ZMYND8: variants seen among roughly 807,000 people sequenced by gnomAD.
ZMYND8 encodes the protein zinc finger MYND-type containing 8, also known as MYND-type zinc finger-containing chromatin reader ZMYND8.
Under a neutral mutation model 140.8 loss-of-function variants are expected in ZMYND8, and 37 were observed. The ratio of observed to expected loss-of-function variants is 0.26; its 90% CI spans 0.20 to 0.35. ZMYND8 has a LOEUF of 0.35. Ranked by LOEUF, ZMYND8 falls within the 10% of genes least tolerant of loss-of-function variation. ZMYND8 has a pLI of 1.00. For missense variants in ZMYND8, 1,068 were observed against 1,570.0 expected, an observed-to-expected ratio of 0.68 and a Z score of 5.40; for synonymous variants, 592 against 597.1, an observed-to-expected ratio of 0.99 and a Z score of 0.12.
rs1271933038 is a variant in ZMYND8, at chr20:47,238,748, G to A, written c.2665+10C>T. The A allele has an allele frequency of 3.1e-6, 5 of 1,605,880 alleles. No individual in the cohort carries two copies. In the African/African-American group the frequency reaches 4.0e-5, roughly 13 times the overall value. ...GGGCGCCACGGAGAACAGAAGGGGA[G>A]GCTCGGTACCTTTCACAGCCTGTCT... On this transcript the variant is annotated intron_variant, in intron 15 of 22. Coordinates refer to ENST00000471951, the MANE Select transcript of ZMYND8 (RefSeq NM_001281775.3).
intron 12 of ZMYND8, among the ~76,000 whole-genome samples, chr20:47,255,779 ATTTGTATGT>A (rs1569009167): frequency 7.9e-6 from 1 of 126,246 alleles, no homozygotes; most frequent in South Asian, 2.5e-4. Flanking sequence ...ATATATATAT[ATTTGTATGT>A]GTATATATAT....
At chr20:47,246,899 C>CA (rs1368303064) in intron 13 of ZMYND8, among the ~76,000 whole-genome samples, 1 of 152,158 alleles carries the variant, frequency 6.6e-6, no homozygotes, top group Non-Finnish European at 1.5e-5. Flanking sequence ...GATTAGAAAA[C>CA]AGAGGCCCAG....
chr20:47,265,695 G>A lies in ZMYND8; in HGVS notation c.1481-3267C>T, dbSNP rs188994494. On this transcript the variant is annotated intron_variant, in intron 11 of 22. Coordinates refer to ENST00000471951, the MANE Select transcript of ZMYND8 (RefSeq NM_001281775.3). ...TGACCTCAGGTGACCCACCCACCTC[G>A]GCCTCCCAAAGTGCTGGGATTACAG... Among the ~76,000 whole-genome samples, 48 of 152,170 alleles carry A rather than the reference G, an allele frequency of 3.2e-4. 1 individual carries two copies. The highest frequency in any genetic ancestry group is 2.7e-3 in the Admixed American group (41 of 15,278).
intron 21 of ZMYND8, among the ~76,000 whole-genome samples, chr20:47,216,096 G>A (rs1220909849): frequency 1.3e-5 from 2 of 152,230 alleles, no homozygotes; most frequent in Non-Finnish European, 2.9e-5. Context: ...CCCAGGGATG[G>A]TGACGCAGGG....
At chr20:47,356,328 G>A (rs1328718773) in intron 1 of ZMYND8, 7 of 1,396,000 alleles carry the variant, frequency 5.0e-6, no homozygotes, top group Non-Finnish European at 4.7e-6. Context: ...GAGGGAAGAG[G>A]GAAAGAAAAA....
chr20:47,302,204 T>C (rs35159752), intron 3 of ZMYND8, among the ~76,000 whole-genome samples: 103,023 of 133,884 alleles, frequency 0.77, 36,143 homozygotes, highest in African/African-American at 0.89. Context: ...AGGCCAGGCG[T>C]GGTGGCACGC....
chr20:47,294,328 G>C (rs578068866), intron 5 of ZMYND8, among the ~76,000 whole-genome samples: 1 of 151,974 alleles, frequency 6.6e-6, no homozygotes, highest in South Asian at 2.1e-4. Flanking sequence ...CTCCAGCCTG[G>C]GTGACAGAGC....
At chr20:47,348,786 A>G (rs1203109158) in intron 1 of ZMYND8, 1 of 152,214 alleles carries the variant, frequency 6.6e-6, no homozygotes, top group Non-Finnish European at 1.5e-5. Context: ...TTCCTCCCAC[A>G]GAGAACTCAC....
At chr20:47,237,121 G>A (rs1385009306) in intron 15 of ZMYND8, among the ~76,000 whole-genome samples, 1 of 151,390 alleles carries the variant, frequency 6.6e-6, no homozygotes. Context: ...AAGACAATCT[G>A]AAGCAATGAG....
At chr20:47,223,657 T>C (rs999647575) in intron 19 of ZMYND8, among the ~76,000 whole-genome samples, 10 of 151,760 alleles carry the variant, frequency 6.6e-5, no homozygotes, top group East Asian at 3.9e-4. Context: ...AAACCCCATC[T>C]CTACTAAAAA....
chr20:47,268,292 T>C (rs1450707741), intron 11 of ZMYND8, among the ~76,000 whole-genome samples: 20 of 20,706 alleles, frequency 9.7e-4, no homozygotes, highest in African/African-American at 1.6e-3. Context: ...CCCCGTCTCT[T>C]TTTTTTTTTT....
intron 4 of ZMYND8, among the ~76,000 whole-genome samples, chr20:47,296,592 A>C (rs892338823): frequency 5.9e-5 from 9 of 152,286 alleles, no homozygotes; most frequent in Admixed American, 3.9e-4. Context: ...CCCTGCCTCT[A>C]GGTTCTGATG....
At chr20:47,238,378 G>A (rs756099610) in intron 15 of ZMYND8, 3 of 310,498 alleles carry the variant, frequency 9.7e-6, no homozygotes, top group Non-Finnish European at 1.9e-5. Context: ...ATACAGATAT[G>A]TATATATACA....
chr20:47,281,863 T>C (rs966674988), intron 10 of ZMYND8, among the ~76,000 whole-genome samples: 20 of 152,172 alleles, frequency 1.3e-4, no homozygotes, highest in Non-Finnish European at 2.8e-4. Flanking sequence ...ATTCCAATGT[T>C]GGTTTCATCA....
chr20:47,230,836 T>C lies in ZMYND8; in HGVS notation c.2857-1030A>G, dbSNP rs529759633. Among the ~76,000 whole-genome samples the C allele has an allele frequency of 1.3e-4, 20 of 152,192 alleles. No homozygotes were observed. In the East Asian group the frequency reaches 3.5e-3, roughly 26 times the overall value. On this transcript the variant is annotated intron_variant, in intron 16 of 22. Coordinates refer to ENST00000471951, the MANE Select transcript of ZMYND8 (RefSeq NM_001281775.3). ...CACTCCCCCGGCCTTAGTCTTCACC[T>C]CCTGGTATCCCATCCCCCGCTCCCC...
At chr20:47,255,172 C>G (rs1011320075) in intron 12 of ZMYND8, among the ~76,000 whole-genome samples, 1 of 151,932 alleles carries the variant, frequency 6.6e-6, no homozygotes, top group Non-Finnish European at 1.5e-5. Context: ...CAAATGTCAC[C>G]TGGGAGACAA....
intron 10 of ZMYND8, among the ~76,000 whole-genome samples, chr20:47,277,314 T>C (rs868799801): frequency 2.6e-5 from 4 of 152,258 alleles, no homozygotes; most frequent in South Asian, 2.1e-4. Context: ...GGCGTGCACT[T>C]TCCACCTCCC....
intron 2 of ZMYND8, among the ~76,000 whole-genome samples, chr20:47,317,947 A>G (rs1408557715): frequency 1.3e-5 from 2 of 152,218 alleles, no homozygotes; most frequent in African/African-American, 4.8e-5. Flanking sequence ...AGCTCTTAGT[A>G]TAATACCTGG....
intron 2 of ZMYND8, among the ~76,000 whole-genome samples, chr20:47,347,302 T>C (rs1228603807): frequency 2.0e-5 from 3 of 152,224 alleles, no homozygotes; most frequent in Admixed American, 6.5e-5. Flanking sequence ...TAGAAGATAT[T>C]CAGGAGTCTA....
Sources: allele counts gnomAD v4.1 joint callset (sites outside exome capture counted in the v4.1 genomes callset), GRCh38; gene constraint gnomAD v4.1.1; transcripts MANE v1.5; gene names NCBI Gene and HGNC (gene_info 2026-07-23, HGNC 2026-07-21).